The following ITGB5 variants were observed in gnomAD, a reference collection of about 807,000 sequenced individuals.
ITGB5 encodes the protein integrin beta-5.
A neutral mutation model predicts 84.8 loss-of-function variants in ITGB5; 38 were observed. The ratio of observed to expected loss-of-function variants is 0.45; its 90% CI spans 0.35 to 0.59. The LOEUF (loss-of-function observed/expected upper bound fraction) is 0.59. Ranked by LOEUF, ITGB5 falls within the 20% of genes least tolerant of loss-of-function variation. The pLI is 0.01. For missense variants in ITGB5, 905 were observed against 1,034.5 expected (o/e 0.87, Z 1.72); for synonymous variants, 393 against 414.4 (o/e 0.95, Z 0.63).
intron 4 of ITGB5, among the ~76,000 whole-genome samples, chr3:124,845,207 T>G (rs1579286117): frequency 6.6e-6 from 1 of 152,152 alleles, no homozygotes; most frequent in Admixed American, 6.5e-5. Context: ...CTGAGGTGGG[T>G]GGATCACCTG....
At chr3:124,784,224 T>C (rs1168270294) in intron 10 of ITGB5, among the ~76,000 whole-genome samples, 2 of 152,174 alleles carry the variant, frequency 1.3e-5, no homozygotes, top group Non-Finnish European at 2.9e-5. Flanking sequence ...TTCTCAATGC[T>C]GATGCCAGCT....
chr3:124,873,621 T>C, intron 1 of ITGB5, 90 bp from the exon 2 acceptor site: 3 of 967,092 alleles, frequency 3.1e-6, no homozygotes, highest in Non-Finnish European at 5.1e-6. Flanking sequence ...CATCCTTCTT[T>C]AACAGGAGGC....
chr3:124,875,390 T>G (rs1192609567), intron 1 of ITGB5, among the ~76,000 whole-genome samples: 1 of 147,212 alleles, frequency 6.8e-6, no homozygotes, highest in African/African-American at 2.5e-5. Context: ...GGCACGAGAA[T>G]CACTTGAACC....
intron 1 of ITGB5, among the ~76,000 whole-genome samples, chr3:124,898,773 T>TA (rs36079714): frequency 0.68 from 74,425 of 109,626 alleles, 27,056 homozygotes; most frequent in East Asian, 0.83. Flanking sequence ...CCCCATGTCT[T>TA]AAAAAAAAAA....
rs115327611 is a variant in ITGB5 at position 124,883,472 on chromosome 3, C to T, written c.70+3459G>A. ...GATAAACAGCAGTCTACAGACCAAACCCACTGTTTGTATTTCATTGTCCTG... is the reference window on the plus strand; with the variant it reads ...GATAAACAGCAGTCTACAGACCAAATCCACTGTTTGTATTTCATTGTCCTG... On this transcript the variant is annotated intron_variant, in intron 1 of 14. Coordinates refer to ENST00000296181, the MANE Select transcript of ITGB5 (RefSeq NM_002213.5). Among the ~76,000 whole-genome samples the T allele has an allele frequency of 9.4e-3, 1,431 of 152,274 alleles. 31 individuals are homozygous for T. Among genetic ancestry groups the T allele is most frequent in the African/African-American group, 0.032 (1,333 of 41,530 alleles).
At chr3:124,877,670 G>A (rs1934388107) in intron 1 of ITGB5, among the ~76,000 whole-genome samples, 1 of 152,056 alleles carries the variant, frequency 6.6e-6, no homozygotes, top group Admixed American at 6.6e-5. Flanking sequence ...GAGGTCAGAC[G>A]GGGTCCTGAC....
At chr3:124,892,470 G>A (rs1353934449), upstream of ITGB5, among the ~76,000 whole-genome samples, 2 of 148,944 alleles carry the variant, frequency 1.3e-5, no homozygotes. Context: ...GAGGTAGATT[G>A]CTTGAGTCCA....
intron 6 of ITGB5, among the ~76,000 whole-genome samples, chr3:124,820,466 G>T (rs1160135347): frequency 6.6e-6 from 1 of 152,126 alleles, no homozygotes; most frequent in Non-Finnish European, 1.5e-5. Context: ...CTAATGATGG[G>T]TACAGGGGCC....
At chr3:124,810,151 A>T (rs2064475304) in intron 8 of ITGB5, among the ~76,000 whole-genome samples, 1 of 152,234 alleles carries the variant, frequency 6.6e-6, no homozygotes, top group Non-Finnish European at 1.5e-5. Context: ...CATATAGTGG[A>T]ATACCATACA....
chr3:124,780,691 C>T (rs2063991506), intron 10 of ITGB5: 1 of 149,738 alleles, frequency 6.7e-6, no homozygotes, highest in South Asian at 2.2e-4. Context: ...ATCGTCTCAT[C>T]TCAGTTCTGC....
chr3:124,773,574 G>A (rs1056082168), intron 11 of ITGB5, 116 bp downstream of exon 11: 4 of 849,746 alleles, frequency 4.7e-6, no homozygotes, highest in Non-Finnish European at 7.5e-6. Flanking sequence ...GAGGCTTGCT[G>A]GGTGGGAGAT....
At chr3:124,864,222 T>C (rs2065351982) in intron 2 of ITGB5, among the ~76,000 whole-genome samples, 1 of 145,068 alleles carries the variant, frequency 6.9e-6, no homozygotes, top group Admixed American at 7.2e-5. Context: ...TTCTCCTGCC[T>C]CAGCCTCTGG....
chr3:124,792,672 G>A (rs2064165437), intron 10 of ITGB5: 1 of 152,164 alleles, frequency 6.6e-6, no homozygotes, highest in African/African-American at 2.4e-5. Context: ...AGTGACTTTA[G>A]GCATCGTTGA....
chr3:124,860,250 CAT>C (rs2065277711), intron 2 of ITGB5, among the ~76,000 whole-genome samples: 1 of 151,974 alleles, frequency 6.6e-6, no homozygotes, highest in Non-Finnish European at 1.5e-5. Flanking sequence ...ATAAGAATAA[CAT>C]AGCATATCAC....
intron 3 of ITGB5, among the ~76,000 whole-genome samples, chr3:124,851,021 T>TC (rs1490218604): frequency 6.6e-6 from 1 of 152,198 alleles, no homozygotes; most frequent in Non-Finnish European, 1.5e-5. Context: ...CTGCCACCTG[T>TC]CCCCCCAAGT....
intron 5 of ITGB5, among the ~76,000 whole-genome samples, chr3:124,833,262 C>A (rs2064883832): frequency 6.6e-6 from 1 of 152,112 alleles, no homozygotes; most frequent in Non-Finnish European, 1.5e-5. Flanking sequence ...GTGACACAGT[C>A]CAATCTGAAT....
chr3:124,769,244 G>T, intron 11 of ITGB5, 131 bp from the exon 12 acceptor site: 1 of 675,008 alleles, frequency 1.5e-6, no homozygotes. Context: ...TCAGCCTCAG[G>T]GAATGTTTCT....
intron 5 of ITGB5, among the ~76,000 whole-genome samples, chr3:124,824,143 G>A (rs2064748962): frequency 6.6e-6 from 1 of 152,142 alleles, no homozygotes; most frequent in Non-Finnish European, 1.5e-5. Context: ...TTTTGAAAAA[G>A]AACAAAGTTG....
In ITGB5 at chr3:124,884,211, C is replaced by CA. The variant is rs57376202; in HGVS notation, c.70+2719dup. On this transcript the variant is annotated intron_variant, in intron 1 of 14. Coordinates refer to ENST00000296181, the MANE Select transcript of ITGB5 (RefSeq NM_002213.5). ...AAGAAAACAAAGAAGGGAAGGGAAG[C>CA]AAAAAAAAAAAAGAAAAAAAAAAAG... 4.7e-4 allele frequency among the ~76,000 whole-genome samples: 60 copies of CA among 127,928 alleles called. No individual in the cohort carries two copies. In the South Asian group the frequency reaches 5.6e-3, roughly 12 times the overall value. 83.9% of individuals were successfully genotyped at this position (127,928 alleles called of 152,430 possible). A position where few individuals can be genotyped will look rare whatever the true frequency, so the allele number is the denominator to read the frequency against.
Sources: allele counts gnomAD v4.1 joint callset (sites outside exome capture counted in the v4.1 genomes callset), GRCh38; gene constraint gnomAD v4.1.1; transcripts MANE v1.5; gene names NCBI Gene and HGNC (gene_info 2026-07-23, HGNC 2026-07-21).